UTY: variants seen among roughly 807,000 people sequenced by gnomAD.
The protein encoded by UTY is ubiquitously transcribed tetratricopeptide repeat containing, Y-linked, also known as histone demethylase UTY.
A neutral mutation model predicts 32.5 loss-of-function variants in UTY; 12 were observed. The ratio of observed to expected loss-of-function variants is 0.37; its 90% CI spans 0.24 to 0.60. The LOEUF is 0.60. UTY is among the 20% of genes least tolerant of loss of function. The pLI, the probability that UTY is intolerant of heterozygous loss-of-function variation, is 0.69. For synonymous variants in UTY, 131 were observed against 103.4 expected, an observed-to-expected ratio of 1.27 and a Z score of -1.62; for missense variants, 303 against 299.2, an observed-to-expected ratio of 1.01 and a Z score of -0.09.
At chrY:13,352,119 C>T in intron 17 of UTY, among the ~76,000 whole-genome samples, 1 of 33,183 alleles carries the variant, frequency 3.0e-5, no homozygotes, top group Non-Finnish European at 7.4e-5. Flanking sequence ...GTTCTGACTG[C>T]TCCGCCATCC....
chrY:13,354,371 C>T (rs746471538), intron 17 of UTY, among the ~76,000 whole-genome samples: 2 of 30,625 alleles, frequency 6.5e-5, no homozygotes, highest in East Asian at 1.7e-3. Flanking sequence ...ATTGCACAGG[C>T]TGGGCAACAG....
At chrY:13,261,010 TTG>T (rs2055223234) in intron 27 of UTY, among the ~76,000 whole-genome samples, 1 of 33,731 alleles carries the variant, frequency 3.0e-5, no homozygotes, top group South Asian at 6.5e-4. Context: ...CTACACATAC[TTG>T]TGAGGATAAC....
At chrY:13,393,787 T>C (rs967641761) in intron 8 of UTY, 72 bp downstream of exon 8, 186 of 270,761 alleles carry the variant, frequency 6.9e-4, no homozygotes, top group Middle Eastern at 2.3e-3. Flanking sequence ...AGCCTGATAT[T>C]TTCAAGTACA....
In UTY at chrY:13,248,719, A is replaced by C. The variant is rs779001310; in HGVS notation, c.*1137T>G. The C allele has an allele frequency of 1.5e-4, 6 of 38,888 alleles. No individual in the cohort carries two copies. In the South Asian group the frequency reaches 3.7e-3, roughly 24 times the overall value. 9.7% of individuals were successfully genotyped at this position (38,888 alleles called of 400,897 possible). ...TTACTTCACTGACTATATGTTTTCTACTGTTATAAAATACAATTTTCCAGC... is the reference window on the plus strand; with the variant it reads ...TTACTTCACTGACTATATGTTTTCTCCTGTTATAAAATACAATTTTCCAGC... On this transcript the variant is annotated 3_prime_UTR_variant, in exon 30 of 30. Transcript: ENST00000545955.
At chrY:13,381,037 T>C in intron 8 of UTY, among the ~76,000 whole-genome samples, 2 of 34,034 alleles carry the variant, frequency 5.9e-5, no homozygotes, top group Non-Finnish European at 1.5e-4. Flanking sequence ...GGAGGTAATA[T>C]AAACACTTAT....
chrY:13,476,254 C>T (rs2079038927), intron 2 of UTY, among the ~76,000 whole-genome samples: 1 of 33,616 alleles, frequency 3.0e-5, no homozygotes, highest in East Asian at 7.7e-4. Context: ...AGACAACATC[C>T]AAACTGTTCC....
intron 25 of UTY, among the ~76,000 whole-genome samples, chrY:13,301,908 G>C: frequency 3.0e-5 from 1 of 33,161 alleles, no homozygotes; most frequent in Non-Finnish European, 7.5e-5. Flanking sequence ...GACAACAAAG[G>C]CAATAAAAAG....
At chrY:13,373,582 A>G in intron 8 of UTY, among the ~76,000 whole-genome samples, 2 of 33,203 alleles carry the variant, frequency 6.0e-5, no homozygotes, top group Non-Finnish European at 1.5e-4. Flanking sequence ...ACAAGACCCC[A>G]TCTTTACAAA....
Position 13,298,951 on chromosome Y carries a change from G to A in UTY, c.3868+6C>T. 1 of 391,089 alleles carries A rather than the reference G, an allele frequency of 2.6e-6. No individual in the cohort carries two copies. The highest frequency in any genetic ancestry group is 3.6e-6 in the Non-Finnish European group (1 of 278,715). ...TAAACCTTGTTGGTGTTATTATTCA[G>A]AATACCTGTAAGTGGACCAACATTC... On this transcript the variant is annotated splice_donor_region_variant and intron_variant, in intron 26 of 29. Coordinates refer to ENST00000545955, the MANE Select transcript of UTY (RefSeq NM_001258249.2).
chrY:13,306,444 C>T (rs1300283620), intron 21 of UTY, among the ~76,000 whole-genome samples, 194 bp from the exon 22 acceptor site: 2 of 33,209 alleles, frequency 6.0e-5, no homozygotes, highest in East Asian at 7.7e-4. Context: ...GTCCAGTTCA[C>T]GGTACTCAAC....
chrY:13,243,395 C>T, downstream of UTY, among the ~76,000 whole-genome samples: 14 of 32,743 alleles, frequency 4.3e-4, no homozygotes, highest in Admixed American at 3.8e-3. Flanking sequence ...AGAACACTGA[C>T]CTAGGCTAAG....
At position 13,446,660 on chromosome Y, in the gene UTY, C is replaced by A. The variant is rs756218481; in HGVS notation, c.375+2357G>T. Among the ~76,000 whole-genome samples the A allele has an allele frequency of 2.4e-4, 7 of 29,754 alleles. No individual in the cohort carries two copies. In the East Asian group the frequency reaches 7.6e-3, roughly 32 times the overall value. 79.8% of individuals were successfully genotyped at this position (29,754 alleles called of 37,273 possible). A position where few individuals can be genotyped will look rare whatever the true frequency, so the allele number is the denominator to read the frequency against. The stretch of plus-strand genomic sequence containing the variant: ...CAGACAGGATGTCATTTGTTTATAT[C>A]ATTTAATTATAAGTGTTCATGGGCT... On this transcript the variant is annotated intron_variant, in intron 4 of 29. Coordinates refer to ENST00000545955, the MANE Select transcript of UTY (RefSeq NM_001258249.2).
chrY:13,295,585 C>T, intron 27 of UTY, among the ~76,000 whole-genome samples: 2 of 33,798 alleles, frequency 5.9e-5, no homozygotes, highest in South Asian at 6.6e-4. Context: ...TGCACCAACT[C>T]GAAAGTCCAG....
chrY:13,411,089 G>T lies in UTY; in HGVS notation c.459C>A (p.Val153=). 2.5e-6 allele frequency: 1 copy of T among 392,201 alleles called. No individual in the cohort carries two copies. The highest frequency in any genetic ancestry group is 3.6e-6 in the Non-Finnish European group (1 of 280,779). Residue 153 remains valine, a synonymous_variant, in exon 6 of 30, where the codon GTC becomes GTA. Coordinates refer to ENST00000545955, the MANE Select transcript of UTY (RefSeq NM_001258249.2). Reference sequence around the variant, plus strand: ...GACAAAAGCTGGGGTCAACATAAAGGACATCTTGAAATGCTTTAATTGCCC... The same window carrying T: ...GACAAAAGCTGGGGTCAACATAAAGTACATCTTGAAATGCTTTAATTGCCC... ...FHWAIKAFQD[V]LYVDPSFCRA... is the part of the protein sequence containing the mutation.
chrY:13,376,736 A>T, intron 8 of UTY, among the ~76,000 whole-genome samples: 1 of 33,440 alleles, frequency 3.0e-5, no homozygotes, highest in Admixed American at 2.7e-4. Flanking sequence ...CCAAAAAAGT[A>T]AAAGAACCTA....
At chrY:13,340,496 ACC>A in intron 17 of UTY, among the ~76,000 whole-genome samples, 1 of 33,194 alleles carries the variant, frequency 3.0e-5, no homozygotes, top group East Asian at 8.0e-4. Flanking sequence ...ACAGAGAGGA[ACC>A]ACAGTCCTTG....
At chrY:13,312,458 G>A (rs769966156) in intron 21 of UTY, among the ~76,000 whole-genome samples, 23 of 29,784 alleles carry the variant, frequency 7.7e-4, no homozygotes, top group African/African-American at 3.0e-3. Context: ...CATACAAGTG[G>A]CAGCCAAAAA....
chrY:13,368,735 T>G (rs764453686), intron 9 of UTY, among the ~76,000 whole-genome samples: 1 of 33,065 alleles, frequency 3.0e-5, no homozygotes, highest in African/African-American at 1.2e-4. Flanking sequence ...GAAAATACAC[T>G]TAGAAAACAT....
At chrY:13,395,153 A>C (rs760855254) in intron 7 of UTY, among the ~76,000 whole-genome samples, 1 of 33,550 alleles carries the variant, frequency 3.0e-5, no homozygotes, top group East Asian at 7.8e-4. Flanking sequence ...GTGTGATTTC[A>C]AGATAATAAC....
Sources: gnomAD v4.1 joint callset for allele counts (sites outside exome capture counted in the v4.1 genomes callset) on GRCh38, gnomAD v4.1.1 for gene constraint, MANE v1.5 for transcripts, NCBI Gene and HGNC (gene_info 2026-07-23, HGNC 2026-07-21) for gene names.